AK9: variants seen among roughly 807,000 people sequenced by gnomAD.
AK9 encodes the protein adenylate kinase 9, also known as adenylate kinase domain containing 1.
In AK9, 191 loss-of-function variants were observed where a neutral mutation model predicts 239.6. The observed-to-expected ratio is 0.80, with a 90% confidence interval of 0.71 to 0.90. The LOEUF (loss-of-function observed/expected upper bound fraction) is 0.90, where lower values mean the gene tolerates loss of function less well. Among genes scored for constraint, AK9 ranks in the 40% least tolerant of loss-of-function variants. The probability of loss-of-function intolerance (pLI) is 0.00; values close to 1 mark genes in which losing one functional copy is unlikely to be tolerated. For synonymous variants in AK9, 689 were observed against 721.0 expected (o/e 0.96, Z 0.71); for missense variants, 1,995 against 2,214.7 (o/e 0.90, Z 1.99).
chr6:109,633,389 T>C (rs1226478572), intron 10 of AK9, 66 bp from the exon 11 acceptor site: 1 of 1,455,558 alleles, frequency 6.9e-7, no homozygotes, highest in African/African-American at 1.4e-5. Context: ...GAGCATTAAA[T>C]ATTTCATTTA....
Position 109,546,127 on chromosome 6 carries a change from C to A in AK9, c.2965G>T (p.Ala989Ser). Residue 989 changes from alanine (A) to serine (S), a missense_variant and splice_region_variant, in exon 26 of 41, where the codon GCT becomes TCT. By Grantham distance (99) the Ala-to-Ser change is moderately conservative. Coordinates refer to ENST00000424296, the MANE Select transcript of AK9 (RefSeq NM_001145128.3). The part of the protein sequence containing the change: ...DYVAHEEPLK[A>S]PPLRICLVGP... ...ACAAGGCATATTCTTAATGGAGGAG[C>A]CTGTCACAGGGGGTGGGTCAGGGAG... The A allele has an allele frequency of 6.3e-7, 1 of 1,586,708 alleles. No homozygotes were observed. Among genetic ancestry groups the A allele is most frequent in the Non-Finnish European group, 8.6e-7 (1 of 1,165,916 alleles).
intron 32 of AK9, among the ~76,000 whole-genome samples, chr6:109,510,152 G>A (rs1778555507): frequency 6.6e-6 from 1 of 151,974 alleles, no homozygotes; most frequent in Non-Finnish European, 1.5e-5. Context: ...CAGGAGTGGG[G>A]ACTCGTGGTG....
At chr6:109,645,069 G>T (rs1482490557) in intron 8 of AK9, among the ~76,000 whole-genome samples, 1 of 152,158 alleles carries the variant, frequency 6.6e-6, no homozygotes, top group African/African-American at 2.4e-5. Context: ...TCATTTAGAA[G>T]ATACAACGTA....
chr6:109,569,430 G>T (rs909783223), intron 21 of AK9, among the ~76,000 whole-genome samples: 1 of 151,956 alleles, frequency 6.6e-6, no homozygotes, highest in Non-Finnish European at 1.5e-5. Flanking sequence ...CTTGACAAAT[G>T]GATCTAATTA....
chr6:109,506,107 T>C (rs1778090938), intron 35 of AK9, among the ~76,000 whole-genome samples: 1 of 152,130 alleles, frequency 6.6e-6, no homozygotes, highest in Non-Finnish European at 1.5e-5. Context: ...ACACTGGGGA[T>C]TCGGTTTCAG....
chr6:109,596,358 G>A (rs1413959664), intron 17 of AK9, among the ~76,000 whole-genome samples: 3 of 152,236 alleles, frequency 2.0e-5, no homozygotes, highest in African/African-American at 7.2e-5. Flanking sequence ...ACCCACAGAT[G>A]TGCCAGGTCA....
At chr6:109,574,639 C>T (rs1787833216) in intron 20 of AK9, among the ~76,000 whole-genome samples, 1 of 152,030 alleles carries the variant, frequency 6.6e-6, no homozygotes. Context: ...AGTTCACACA[C>T]CCCTGAATTT....
At chr6:109,528,329 G>A in intron 29 of AK9, 1 of 356,690 alleles carries the variant, frequency 2.8e-6, no homozygotes, top group Non-Finnish European at 5.5e-6. Flanking sequence ...AGAGAAATGA[G>A]CATTATAATG....
In AK9 at chr6:109,619,172, T is replaced by C; in HGVS notation, c.1319A>G (p.Asn440Ser). 2 of 1,550,640 alleles carry C rather than the reference T, an allele frequency of 1.3e-6. No homozygotes were observed. ...FDKARETLVE[N>S]TIAEATAAAI... ...TGCTGCAGTGGCCTCAGCTATGGTA[T>C]TTTCTACTAATGTTTCACGGGCTTT... The change falls in exon 13 of 41, where the codon AAT becomes AGT. Residue 440 changes from asparagine to serine, a missense_variant. Around this residue, in one of 5 missense-constraint regions of AK9, gnomAD observed 1,290 missense variants for 1,392.7 expected, o/e 0.93. Transcript: ENST00000424296.
intron 36 of AK9, 44 bp downstream of exon 36, chr6:109,499,000 A>G (rs757906703): frequency 7.3e-7 from 1 of 1,378,056 alleles, no homozygotes; most frequent in Non-Finnish European, 9.5e-7. Context: ...AAGATAAGAC[A>G]TTTTCTTTCT....
chr6:109,526,992 C>T (rs1428471934), intron 29 of AK9, among the ~76,000 whole-genome samples: 1 of 152,130 alleles, frequency 6.6e-6, no homozygotes, highest in Admixed American at 6.5e-5. Flanking sequence ...GTCTCTATTA[C>T]TCTTCTCCGA....
At chr6:109,554,996 T>G (rs1784821999) in intron 24 of AK9, among the ~76,000 whole-genome samples, 1 of 152,198 alleles carries the variant, frequency 6.6e-6, no homozygotes, top group South Asian at 2.1e-4. Context: ...AAGGTTCTTT[T>G]GTGTCCCTAT....
At position 109,499,224 on chromosome 6, in the gene AK9, A is replaced by C; in HGVS notation, c.4866T>G (p.Ile1622Met). 1 of 1,525,200 alleles carries C rather than the reference A, an allele frequency of 6.6e-7. No homozygotes were observed. The highest frequency in any genetic ancestry group is 8.8e-7 in the Non-Finnish European group (1 of 1,132,484). The allele number at this position is 1,525,200 out of a possible 1,614,324, so 94.5% of individuals were successfully genotyped here. Residue 1622 changes from isoleucine (I) to methionine (M), a missense_variant, in exon 36 of 41, where the codon ATT (isoleucine) becomes ATG (methionine). This residue lies in a region of AK9 where 391 missense variants were observed against 456.0 expected (regional missense o/e 0.86). Coordinates refer to ENST00000424296, the MANE Select transcript of AK9 (RefSeq NM_001145128.3). ...CTTGAGGTGTGATACATAACTTGTC[A>C]ATGCAGGCAGCTTTTCCTATTATTA... Reference protein sequence around the residue: ...ERIKAGKAACIDKLCITPQEL... With the variant: ...ERIKAGKAACMDKLCITPQEL...
chr6:109,644,549 A>G, intron 9 of AK9, 65 bp downstream of exon 9: 1 of 1,370,110 alleles, frequency 7.3e-7, no homozygotes, highest in Non-Finnish European at 1.0e-6. Context: ...TAAAAGAAGT[A>G]CAATACTGTC....
intron 17 of AK9, among the ~76,000 whole-genome samples, chr6:109,589,349 G>T (rs1368029291): frequency 6.6e-6 from 1 of 152,086 alleles, no homozygotes; most frequent in Non-Finnish European, 1.5e-5. Context: ...TTATAAATGG[G>T]ATTGAGTTCT....
At chr6:109,611,904 T>C in intron 16 of AK9, 106 bp downstream of exon 16, 2 of 750,118 alleles carry the variant, frequency 2.7e-6, no homozygotes, top group Non-Finnish European at 4.3e-6. Context: ...CATGCTTTTA[T>C]TTTTTTTGAA....
chr6:109,528,665 A>T, intron 29 of AK9: 3 of 468,796 alleles, frequency 6.4e-6, no homozygotes, highest in Non-Finnish European at 1.3e-5. Context: ...ACGGAAGTCC[A>T]GCATATTCAC....
intron 8 of AK9, among the ~76,000 whole-genome samples, chr6:109,648,307 T>G (rs1358925611): frequency 5.3e-5 from 8 of 152,050 alleles, no homozygotes; most frequent in Non-Finnish European, 1.0e-4. Flanking sequence ...CAGGAGCTAG[T>G]TTTTTGAAAA....
At chr6:109,571,863 A>G (rs1401149273) in intron 21 of AK9, among the ~76,000 whole-genome samples, 1 of 152,216 alleles carries the variant, frequency 6.6e-6, no homozygotes, top group African/African-American at 2.4e-5. Context: ...AATAATTGAC[A>G]AAACTTATTT....
Sources: allele counts gnomAD v4.1 joint callset (sites outside exome capture counted in the v4.1 genomes callset), GRCh38; gene constraint gnomAD v4.1.1; regional missense constraint gnomAD v4.1.1; transcripts MANE v1.5; gene names NCBI Gene and HGNC (gene_info 2026-07-23, HGNC 2026-07-21).